Variants in RERE observed in about 807,000 individuals in gnomAD.
RERE encodes arginine-glutamic acid dipeptide repeats protein.
A neutral mutation model predicts 146.1 loss-of-function variants in RERE; 40 were observed. The observed-to-expected ratio is 0.27, with a 90% CI of 0.21 to 0.36. RERE has a LOEUF of 0.36. Ranked by LOEUF, RERE falls within the 10% of genes least tolerant of loss-of-function variation. The pLI is 1.00. For missense variants in RERE, 1,933 were observed against 2,138.7 expected, an observed-to-expected ratio of 0.90 and a Z score of 1.90; for synonymous variants, 1,003 against 866.0, an observed-to-expected ratio of 1.16 and a Z score of -2.78.
chr1:8,568,768 T>C (rs2124446974), intron 4 of RERE, among the ~76,000 whole-genome samples: 1 of 152,306 alleles, frequency 6.6e-6, no homozygotes, highest in Non-Finnish European at 1.5e-5. Flanking sequence ...GACATGGCTA[T>C]CATGGGACTT....
At chr1:8,813,614 C>CAT (rs1472664474) in intron 1 of RERE, among the ~76,000 whole-genome samples, 2 of 121,152 alleles carry the variant, frequency 1.7e-5, no homozygotes. Flanking sequence ...CTATTTTTTC[C>CAT]TTTTTTTTTT....
intron 4 of RERE, among the ~76,000 whole-genome samples, chr1:8,580,566 T>C (rs1367481372): frequency 6.6e-6 from 1 of 152,254 alleles, no homozygotes; most frequent in African/African-American, 2.4e-5. Flanking sequence ...AGTTATACTT[T>C]ACATGTGAAA....
chr1:8,360,292 C>T lies in RERE; in HGVS notation c.3215G>A (p.Gly1072Asp), dbSNP rs1266786818. Reference sequence around the variant, plus strand: ...TATGCTGCCTCCTGAAGCCGCCGCACCAGAGCAGGGTGGCTGGGCCGAGGT... The same window carrying T: ...TATGCTGCCTCCTGAAGCCGCCGCATCAGAGCAGGGTGGCTGGGCCGAGGT... ...PGTSAQPPCS[G>D]AAASGGSIAG... Residue 1072 changes from glycine to aspartate, a missense_variant, in exon 18 of 23, where the codon GGT becomes GAT. Gly to Asp is a moderately conservative substitution (Grantham distance 94). This residue lies in a region of RERE where 1,255 missense variants were observed against 1,153.8 expected (regional missense o/e 1.09). Transcript: ENST00000400908. The T allele has an allele frequency of 5.8e-6, 9 of 1,556,660 alleles. No homozygotes were observed. Among genetic ancestry groups the T allele is most frequent in the South Asian group, 1.2e-5 (1 of 84,604 alleles).
intron 1 of RERE, among the ~76,000 whole-genome samples, chr1:8,807,456 G>C (rs1641712844): frequency 1.3e-5 from 2 of 152,152 alleles, no homozygotes; most frequent in African/African-American, 2.4e-5. Flanking sequence ...TAGGCAGATA[G>C]CCAAATATTT....
At chr1:8,736,999 T>C (rs1360008917) in intron 1 of RERE, among the ~76,000 whole-genome samples, 3 of 152,182 alleles carry the variant, frequency 2.0e-5, no homozygotes, top group Non-Finnish European at 4.4e-5. Context: ...CAAATGATTA[T>C]CTTTCTTTAG....
At chr1:8,359,121 C>T (rs1020173881) in intron 19 of RERE, among the ~76,000 whole-genome samples, 5 of 152,194 alleles carry the variant, frequency 3.3e-5, no homozygotes, top group Non-Finnish European at 7.3e-5. Flanking sequence ...GCCCGCAGCT[C>T]CCCTCAGGCC....
At chr1:8,634,840 A>G (rs1218316107) in intron 2 of RERE, among the ~76,000 whole-genome samples, 2 of 152,174 alleles carry the variant, frequency 1.3e-5, no homozygotes, top group African/African-American at 2.4e-5. Flanking sequence ...GGTTCAAGCC[A>G]TTCTCCTACC....
At chr1:8,421,737 C>G (rs1643912709) in intron 12 of RERE, among the ~76,000 whole-genome samples, 2 of 151,996 alleles carry the variant, frequency 1.3e-5, no homozygotes, top group South Asian at 4.2e-4. Context: ...CCAAAAAACC[C>G]AAATTATCCG....
chr1:8,434,499 G>T (rs1186656850), intron 11 of RERE: 1 of 152,146 alleles, frequency 6.6e-6, no homozygotes, highest in African/African-American at 2.4e-5. Flanking sequence ...ATTTTCTAGA[G>T]GTGGCCACTC....
At chr1:8,785,452 C>T (rs936425044) in intron 1 of RERE, among the ~76,000 whole-genome samples, 24 of 152,336 alleles carry the variant, frequency 1.6e-4, no homozygotes, top group Middle Eastern at 3.4e-3. Flanking sequence ...ATATGCACAT[C>T]TGCTGTTCCA....
chr1:8,607,534 C>CTTTCTTTTTTT (rs1646733358), intron 4 of RERE, among the ~76,000 whole-genome samples: 1 of 48,584 alleles, frequency 2.1e-5, no homozygotes, highest in African/African-American at 8.6e-5. Flanking sequence ...ATATATATTT[C>CTTTCTTTTTTT]TTTTTTTTTT....
intron 4 of RERE, among the ~76,000 whole-genome samples, chr1:8,608,711 T>G (rs116279507): frequency 0.011 from 1,688 of 152,260 alleles, 31 homozygotes; most frequent in African/African-American, 0.039. Context: ...AAAGCATAGG[T>G]TTATTGATAT....
intron 4 of RERE, among the ~76,000 whole-genome samples, chr1:8,597,662 A>C (rs1381043611): frequency 1.3e-5 from 2 of 152,228 alleles, no homozygotes; most frequent in Non-Finnish European, 2.9e-5. Flanking sequence ...AGGCTTTCCC[A>C]GTCTGATTCA....
chr1:8,675,738 T>TATACATAC (rs59265268), intron 1 of RERE, among the ~76,000 whole-genome samples: 14,597 of 147,822 alleles, frequency 0.099, 710 homozygotes, highest in Non-Finnish European at 0.1. Context: ...TACATACATA[T>TATACATAC]ATACATACAT....
chr1:8,425,001 GAA>G (rs1643990027), intron 11 of RERE: 1 of 152,408 alleles, frequency 6.6e-6, no homozygotes, highest in African/African-American at 2.4e-5. Context: ...AGGCCGCACG[GAA>G]GAGTTCCTAA....
chr1:8,522,325 G>A lies in RERE; in HGVS notation c.831-13650C>T, dbSNP rs141539423. Among the ~76,000 whole-genome samples, 169 of 152,228 alleles carry A rather than the reference G, an allele frequency of 1.1e-3. 2 individuals are homozygous for A. Among genetic ancestry groups the A allele is most frequent in the African/African-American group, 4.0e-3 (166 of 41,530 alleles). The stretch of plus-strand genomic sequence containing the variant: ...TTTATGTTACAGTCTTAGAATACAC[G>A]GTTTTCTGGTGGAAGACAACTCGGT... On this transcript the variant is annotated intron_variant, in intron 7 of 22. Transcript: ENST00000400908.
chr1:8,365,315 GT>G (rs968838163), intron 13 of RERE, among the ~76,000 whole-genome samples: 4 of 152,160 alleles, frequency 2.6e-5, no homozygotes, highest in African/African-American at 9.7e-5. Flanking sequence ...CTACACCCCA[GT>G]TTTTTAGGGG....
chr1:8,469,213 C>A (rs1441498354), intron 10 of RERE, among the ~76,000 whole-genome samples: 2 of 151,920 alleles, frequency 1.3e-5, no homozygotes, highest in African/African-American at 4.8e-5. Flanking sequence ...TTCTCAGAAA[C>A]AAAAAATTTT....
At chr1:8,407,487 T>C (rs898493205) in intron 12 of RERE, among the ~76,000 whole-genome samples, 2 of 152,216 alleles carry the variant, frequency 1.3e-5, no homozygotes, top group African/African-American at 2.4e-5. Flanking sequence ...ACTTTTTTTT[T>C]CTATAAAAAG....
Sources: allele counts gnomAD v4.1 joint callset (sites outside exome capture counted in the v4.1 genomes callset), GRCh38; gene constraint gnomAD v4.1.1; regional missense constraint gnomAD v4.1.1; transcripts MANE v1.5; gene names NCBI Gene and HGNC (gene_info 2026-07-23, HGNC 2026-07-21).